Variants in RSU1 observed in about 807,000 individuals in gnomAD.
RSU1 encodes rsu-1.
Under a neutral mutation model 31.1 loss-of-function variants are expected in RSU1, and 26 were observed. The observed-to-expected ratio is 0.84, with a 90% CI of 0.61 to 1.16. The LOEUF (loss-of-function observed/expected upper bound fraction) is 1.16. Among genes scored for constraint, RSU1 ranks in the 50% most tolerant of loss-of-function variants. RSU1 has a pLI of 0.00. For synonymous variants in RSU1, 164 were observed against 136.3 expected, an observed-to-expected ratio of 1.20 and a Z score of -1.41; for missense variants, 320 against 339.1, an observed-to-expected ratio of 0.94 and a Z score of 0.44.
chr10:16,695,167 G>GCAAA lies in RSU1; in HGVS notation c.599-13_599-12insTTTG. ...TAAATCCAAGTTTCCTGGGGGGGGG[G>GCAAA]AAAAAAAAAGTGAAGGTCACTTCAT... On this transcript the variant is annotated splice_polypyrimidine_tract_variant and intron_variant, in intron 7 of 8. Coordinates refer to ENST00000345264, the MANE Select transcript of RSU1 (RefSeq NM_012425.4). 7.6e-7 allele frequency: 1 copy of GCAAA among 1,318,160 alleles called. No homozygotes were observed. The highest frequency in any genetic ancestry group is 1.0e-6 in the Non-Finnish European group (1 of 970,986). The allele number at this position is 1,318,160 out of a possible 1,614,324, so 81.7% of individuals were successfully genotyped here.
chr10:16,755,033 C>T (rs566134162), intron 4 of RSU1, 44 bp from the exon 5 acceptor site: 27 of 1,219,966 alleles, frequency 2.2e-5, no homozygotes, highest in Non-Finnish European at 3.1e-5. Context: ...ACCAAAGACA[C>T]ATTCATACAG....
chr10:16,751,387 G>A (rs1836977057), intron 7 of RSU1, among the ~76,000 whole-genome samples: 1 of 152,076 alleles, frequency 6.6e-6, no homozygotes, highest in Admixed American at 6.6e-5. Context: ...GAGAGGAGGC[G>A]GGACTTCCCA....
chr10:16,603,901 G>C (rs1833753842), intron 8 of RSU1, among the ~76,000 whole-genome samples: 3 of 152,140 alleles, frequency 2.0e-5, no homozygotes, highest in African/African-American at 7.2e-5. Context: ...AATTATTTTT[G>C]TATGGGCAAT....
chr10:16,795,108 C>A (rs1838000579), intron 2 of RSU1, among the ~76,000 whole-genome samples: 1 of 152,172 alleles, frequency 6.6e-6, no homozygotes. Context: ...ATTTCCAGCA[C>A]TTCGGGAGGC....
chr10:16,677,192 G>A (rs772259394), intron 8 of RSU1, among the ~76,000 whole-genome samples: 1 of 152,104 alleles, frequency 6.6e-6, no homozygotes, highest in Non-Finnish European at 1.5e-5. Context: ...ATGAGACAAC[G>A]TTCTTTTAAA....
chr10:16,714,282 T>C (rs1836084538), intron 7 of RSU1, among the ~76,000 whole-genome samples: 1 of 151,986 alleles, frequency 6.6e-6, no homozygotes, highest in Non-Finnish European at 1.5e-5. Context: ...CCTGTAGGAG[T>C]CTGTCTAGAG....
chr10:16,803,024 G>A (rs1312466355), intron 2 of RSU1, among the ~76,000 whole-genome samples: 1 of 152,142 alleles, frequency 6.6e-6, no homozygotes, highest in South Asian at 2.1e-4. Context: ...GGACGTCCTT[G>A]TTAACGCAGT....
chr10:16,706,792 C>T (rs1414284800), intron 7 of RSU1, among the ~76,000 whole-genome samples: 1 of 152,090 alleles, frequency 6.6e-6, no homozygotes, highest in African/African-American at 2.4e-5. Flanking sequence ...TAATTACAGT[C>T]AGTCTACTGT....
At chr10:16,712,897 TTCTC>T (rs1339603945) in intron 7 of RSU1, among the ~76,000 whole-genome samples, 2 of 152,194 alleles carry the variant, frequency 1.3e-5, no homozygotes, top group Non-Finnish European at 2.9e-5. Flanking sequence ...TGGTCACAAA[TTCTC>T]TCAGCCTTTG....
intron 8 of RSU1, 81 bp from the exon 9 acceptor site, chr10:16,593,577 G>A: frequency 9.2e-7 from 1 of 1,082,996 alleles, no homozygotes; most frequent in South Asian, 1.3e-5. Flanking sequence ...TTCAGGAATA[G>A]AAGAATCTCC....
Position 16,593,262 on chromosome 10 carries a change from T to C in RSU1, c.*132A>G. ...ATCTAAAAGGTAAGGTGGGAAGCAT[T>C]AGAAAGAGAGTGAAAAGAAAAATAA... On this transcript the variant is annotated 3_prime_UTR_variant, in exon 9 of 9. Transcript: ENST00000345264. 1 of 1,466,028 alleles carries C rather than the reference T, an allele frequency of 6.8e-7. No individual in the cohort carries two copies. The highest frequency in any genetic ancestry group is 9.1e-7 in the Non-Finnish European group (1 of 1,104,118). 90.8% of individuals were successfully genotyped at this position (1,466,028 alleles called of 1,614,324 possible).
chr10:16,713,899 G>T (rs1197584018), intron 7 of RSU1, among the ~76,000 whole-genome samples: 1 of 152,090 alleles, frequency 6.6e-6, no homozygotes, highest in Admixed American at 6.5e-5. Context: ...GTTAGCTTTA[G>T]TTCTGGGTGG....
At chr10:16,719,761 G>A (rs1475867451) in intron 7 of RSU1, among the ~76,000 whole-genome samples, 1 of 152,218 alleles carries the variant, frequency 6.6e-6, no homozygotes, top group African/African-American at 2.4e-5. Context: ...TGGCTGCTAT[G>A]TCTGCGCTCC....
intron 8 of RSU1, among the ~76,000 whole-genome samples, chr10:16,618,994 A>G (rs1834026330): frequency 6.6e-6 from 1 of 152,184 alleles, no homozygotes; most frequent in Admixed American, 6.5e-5. Flanking sequence ...TAAAAAAATT[A>G]TAAATAAAAT....
At chr10:16,705,899 C>T (rs1445763337) in intron 7 of RSU1, among the ~76,000 whole-genome samples, 1 of 152,168 alleles carries the variant, frequency 6.6e-6, no homozygotes, top group African/African-American at 2.4e-5. Context: ...ACCTCAGTCT[C>T]CTGAGTAGCT....
At chr10:16,647,044 C>A (rs1834585563) in intron 8 of RSU1, among the ~76,000 whole-genome samples, 1 of 149,880 alleles carries the variant, frequency 6.7e-6, no homozygotes, top group African/African-American at 2.5e-5. Flanking sequence ...GTGGTGTGAT[C>A]TCGGCTCACT....
intron 4 of RSU1, among the ~76,000 whole-genome samples, chr10:16,763,067 C>T (rs1000749019): frequency 2.0e-5 from 3 of 151,900 alleles, no homozygotes; most frequent in African/African-American, 7.3e-5. Flanking sequence ...CCACGTCAAT[C>T]ACTAACTTAA....
intron 8 of RSU1, among the ~76,000 whole-genome samples, chr10:16,680,964 C>T (rs1835319410): frequency 1.3e-5 from 2 of 152,168 alleles, no homozygotes; most frequent in African/African-American, 4.8e-5. Context: ...GGAGATACTG[C>T]ATTAAAATAA....
chr10:16,779,395 G>A (rs931092951), intron 3 of RSU1, among the ~76,000 whole-genome samples: 4 of 152,102 alleles, frequency 2.6e-5, no homozygotes, highest in Non-Finnish European at 5.9e-5. Flanking sequence ...GACATGTCAA[G>A]GCCAAAACCA....
Sources: allele counts gnomAD v4.1 joint callset (sites outside exome capture counted in the v4.1 genomes callset), GRCh38; gene constraint gnomAD v4.1.1; transcripts MANE v1.5; gene names NCBI Gene and HGNC (gene_info 2026-07-23, HGNC 2026-07-21).